The following ZNF275 variants were observed in gnomAD, a reference collection of about 807,000 sequenced individuals.
ZNF275 encodes zinc finger protein 275.
Under a neutral mutation model 4.3 loss-of-function variants are expected in ZNF275, and 4 were observed. The observed-to-expected ratio is 0.93, with a 90% CI of 0.46 to 2.13. ZNF275 has a LOEUF of 2.13. Ranked by LOEUF, ZNF275 falls within the 30% of genes most tolerant of loss-of-function variation. The probability of loss-of-function intolerance (pLI) is 0.02; values close to 1 mark genes in which losing one functional copy is unlikely to be tolerated. For synonymous variants in ZNF275, 173 were observed against 166.9 expected (o/e 1.04, Z -0.28); for missense variants, 352 against 397.1 (o/e 0.89, Z 0.97).
intron 3 of ZNF275, among the ~76,000 whole-genome samples, chrX:153,345,995 G>C (rs2088512266): frequency 1.8e-5 from 2 of 108,818 alleles, no homozygotes; most frequent in Non-Finnish European, 3.8e-5. Flanking sequence ...TCTTGGGGTT[G>C]AGGTTAGGGT....
rs1462476796 is a variant in ZNF275 at position 153,348,807 on chromosome X, A to G, written c.*832A>G. 1 of 123,897 alleles carries G rather than the reference A, an allele frequency of 8.1e-6. No individual in the cohort carries two copies. The highest frequency in any genetic ancestry group is 1.9e-5 in the Non-Finnish European group (1 of 53,408). The allele number at this position is 123,897 out of a possible 1,213,427, so 10.2% of individuals were successfully genotyped here. On this transcript the variant is annotated 3_prime_UTR_variant, in exon 4 of 4. Coordinates refer to ENST00000650114, the MANE Select transcript of ZNF275 (RefSeq NM_001367757.1). ...CTGTACAATATAACCACTTAAGGTC[A>G]TACTTTTTCAAACAACCTTTAAACG...
At chrX:153,337,254 G>T (rs2088452300) in intron 2 of ZNF275, among the ~76,000 whole-genome samples, 1 of 111,673 alleles carries the variant, frequency 9.0e-6, no homozygotes, top group African/African-American at 3.3e-5. Flanking sequence ...ACCTGTTAGA[G>T]AATGTTGCTT....
chrX:153,337,865 A>G (rs782634046), intron 2 of ZNF275, among the ~76,000 whole-genome samples: 1 of 111,902 alleles, frequency 8.9e-6, no homozygotes, highest in Non-Finnish European at 1.9e-5. Context: ...GTTTTTCCAC[A>G]GTATTTCTTT....
Position 153,347,156 on chromosome X carries a change from G to T in ZNF275, c.471G>T (p.Gln157His), listed in dbSNP as rs1556961687. 2 of 1,208,056 alleles carry T rather than the reference G, an allele frequency of 1.7e-6. No individual in the cohort carries two copies. The highest frequency in any genetic ancestry group is 2.2e-6 in the Non-Finnish European group (2 of 894,212). The change falls in exon 4 of 4, where the codon CAG becomes CAT. Residue 157 changes from glutamine to histidine, a missense_variant. Gln to His is a conservative substitution (Grantham distance 24, BLOSUM62 0). Coordinates refer to ENST00000650114, the MANE Select transcript of ZNF275 (RefSeq NM_001367757.1). ...HRKSHVAAEP[Q>H]PGPSRALENA... ...AAAGCCACGTAGCTGCGGAGCCCCA[G>T]CCCGGCCCCAGTAGGGCCCTGGAGA...
At chrX:153,344,091 C>T (rs2088496058) in intron 2 of ZNF275, 1 of 328,902 alleles carries the variant, frequency 3.0e-6, no homozygotes, top group South Asian at 2.6e-5. Context: ...ACAGGGCTGT[C>T]GTCACTCATG....
chrX:153,339,400 G>A (rs782101111), intron 2 of ZNF275, among the ~76,000 whole-genome samples: 3 of 111,810 alleles, frequency 2.7e-5, no homozygotes, highest in South Asian at 3.8e-4. Flanking sequence ...TGGGCCAGGC[G>A]CAGTGGCTCA....
Position 153,348,555 on chromosome X carries a change from G to A in ZNF275, c.*580G>A, listed in dbSNP as rs1330455613. Reference sequence around the variant, plus strand: ...CCATTTTTGCCACCCTCCCTTTCACGAAATCATTTTACTCTGACTCCTCAC... The same window carrying A: ...CCATTTTTGCCACCCTCCCTTTCACAAAATCATTTTACTCTGACTCCTCAC... On this transcript the variant is annotated 3_prime_UTR_variant, in exon 4 of 4. Coordinates refer to ENST00000650114, the MANE Select transcript of ZNF275 (RefSeq NM_001367757.1). The A allele has an allele frequency of 3.3e-5, 4 of 121,951 alleles. No homozygotes were observed. Among genetic ancestry groups the A allele is most frequent in the Admixed American group, 9.6e-5 (1 of 10,397 alleles). 10.1% of individuals were successfully genotyped at this position (121,951 alleles called of 1,213,427 possible). A position where few individuals can be genotyped will look rare whatever the true frequency, so the allele number is the denominator to read the frequency against.
rs782027998 is a variant in ZNF275 at position 153,350,631 on chromosome X, A to AC, written c.*2658dup. On this transcript the variant is annotated 3_prime_UTR_variant, in exon 4 of 4. Transcript: ENST00000650114. ...GGAAGTGTGCCCTTCTCGTGGGCCC[A>AC]CCAAGGCTGAGGCAGAGCTTCCTAG... is the stretch of plus-strand genomic sequence containing the variant. The AC allele has an allele frequency of 1.5e-4, 18 of 123,892 alleles. No homozygotes were observed. The highest frequency in any genetic ancestry group is 2.8e-4 in the Non-Finnish European group (15 of 53,302). 10.2% of individuals were successfully genotyped at this position (123,892 alleles called of 1,213,427 possible). A position where few individuals can be genotyped will look rare whatever the true frequency, so the allele number is the denominator to read the frequency against.
At position 153,349,893 on chromosome X, in the gene ZNF275, G is replaced by C. The variant is rs1388948492; in HGVS notation, c.*1918G>C. On this transcript the variant is annotated 3_prime_UTR_variant, in exon 4 of 4. Coordinates refer to ENST00000650114, the MANE Select transcript of ZNF275 (RefSeq NM_001367757.1). ...CCCATCATAGATTAGCCAGAACTCT[G>C]TGACTGCTCATCATTATAGACCCCG... 1 of 123,485 alleles carries C rather than the reference G, an allele frequency of 8.1e-6. No homozygotes were observed. The highest frequency in any genetic ancestry group is 3.2e-5 in the African/African-American group (1 of 30,800). The allele number at this position is 123,485 out of a possible 1,213,427, so 10.2% of individuals were successfully genotyped here. A position where few individuals can be genotyped will look rare whatever the true frequency, so the allele number is the denominator to read the frequency against.
intron 3 of ZNF275, 53 bp downstream of exon 3, chrX:153,345,674 T>C: frequency 9.7e-7 from 1 of 1,028,936 alleles, no homozygotes; most frequent in Non-Finnish European, 1.4e-6. Context: ...CAAGCTGCTA[T>C]GGGGCATGGG....
Position 153,347,231 on chromosome X carries a change from G to T in ZNF275, c.546G>T (p.Glu182Asp). 8.3e-7 allele frequency: 1 copy of T among 1,210,645 alleles called. No individual in the cohort carries two copies. Among genetic ancestry groups the T allele is most frequent in the Non-Finnish European group, 1.1e-6 (1 of 894,778 alleles). ...EQMEREAKPF[E>D]CEECGKRFKK... ...TGGAGAGGGAGGCAAAGCCCTTCGA[G>T]TGCGAGGAGTGCGGAAAACGGTTTA... Residue 182 changes from glutamate to aspartate, a missense_variant, in exon 4 of 4, where the codon GAG becomes GAT. Transcript: ENST00000650114.
intron 2 of ZNF275, 94 bp from the exon 3 acceptor site, chrX:153,345,426 G>A: frequency 1.6e-6 from 1 of 622,556 alleles, no homozygotes; most frequent in South Asian, 2.6e-5. Context: ...GAAGATTGAA[G>A]GGGGTTCCCC....
In ZNF275 at chrX:153,347,155, A is replaced by G; in HGVS notation, c.470A>G (p.Gln157Arg). 2 of 1,210,060 alleles carry G rather than the reference A, an allele frequency of 1.7e-6. No individual in the cohort carries two copies. Among genetic ancestry groups the G allele is most frequent in the Admixed American group, 4.4e-5 (2 of 45,907 alleles). The change falls in exon 4 of 4, where the codon CAG becomes CGG. Residue 157 changes from glutamine (Q) to arginine (R), a missense_variant. Coordinates refer to ENST00000650114, the MANE Select transcript of ZNF275 (RefSeq NM_001367757.1). ...HRKSHVAAEP[Q>R]PGPSRALENA... The stretch of plus-strand genomic sequence containing the variant: ...AAAAGCCACGTAGCTGCGGAGCCCC[A>G]GCCCGGCCCCAGTAGGGCCCTGGAG...
At position 153,343,296 on chromosome X, in the gene ZNF275, G is replaced by A. The variant is rs917326244; in HGVS notation, c.32-2224G>A. The stretch of plus-strand genomic sequence containing the variant: ...TTTTGTGGGCCTTGAGCCAGTGTAA[G>A]AGCCTTCCTTTTCACTGAATTATGA... On this transcript the variant is annotated intron_variant, in intron 2 of 3. Transcript: ENST00000650114. The A allele has an allele frequency of 1.5e-5, 4 of 268,275 alleles. No individual in the cohort carries two copies. In the Admixed American group the frequency reaches 2.0e-4, roughly 13 times the overall value. The allele number at this position is 268,275 out of a possible 1,213,427, so 22.1% of individuals were successfully genotyped here.
rs1214601857 is a variant in ZNF275, at chrX:153,348,336, T to C, written c.*361T>C. 2 of 124,059 alleles carry C rather than the reference T, an allele frequency of 1.6e-5. No homozygotes were observed. Among genetic ancestry groups the C allele is most frequent in the African/African-American group, 3.3e-5 (1 of 30,474 alleles). 10.2% of individuals were successfully genotyped at this position (124,059 alleles called of 1,213,427 possible). A position where few individuals can be genotyped will look rare whatever the true frequency, so the allele number is the denominator to read the frequency against. On this transcript the variant is annotated 3_prime_UTR_variant, in exon 4 of 4. Coordinates refer to ENST00000650114, the MANE Select transcript of ZNF275 (RefSeq NM_001367757.1). ...CACACAGAGCTGTTCCACGATGGCGTCCTCATAATGTGATCCCAGCTTTCC... is the reference window on the plus strand; with the variant it reads ...CACACAGAGCTGTTCCACGATGGCGCCCTCATAATGTGATCCCAGCTTTCC...
rs2088519643 is a variant in ZNF275 at position 153,346,860 on chromosome X, G to A, written c.175G>A (p.Ala59Thr). The A allele has an allele frequency of 8.3e-7, 1 of 1,204,608 alleles. No homozygotes were observed. The highest frequency in any genetic ancestry group is 1.8e-5 in the South Asian group (1 of 55,977). ...ATRHQMKGEDAQPQEMASTSF... is the reference protein window; with the variant it reads ...ATRHQMKGEDTQPQEMASTSF... ...CCGACACCAGATGAAGGGGGAAGAT[G>A]CCCAGCCACAGGAGATGGCGTCCAC... The change falls in exon 4 of 4, where the codon GCC (alanine) becomes ACC (threonine). Residue 59 changes from alanine to threonine, a missense_variant. Ala to Thr is a moderately conservative substitution (Grantham distance 58). Coordinates refer to ENST00000650114, the MANE Select transcript of ZNF275 (RefSeq NM_001367757.1).
intron 2 of ZNF275, chrX:153,344,882 G>A (rs1180137636): frequency 9.5e-6 from 3 of 316,074 alleles, no homozygotes; most frequent in African/African-American, 8.0e-5. Context: ...TGGGTTGTGG[G>A]GAAACACAAT....
intron 2 of ZNF275, among the ~76,000 whole-genome samples, chrX:153,339,641 A>G (rs1452941365): frequency 9.0e-6 from 1 of 111,309 alleles, no homozygotes; most frequent in African/African-American, 3.3e-5. Context: ...TGGCACCACT[A>G]CACTCCAGCC....
chrX:153,338,247 T>A (rs1007026105), intron 2 of ZNF275, among the ~76,000 whole-genome samples: 11 of 112,202 alleles, frequency 9.8e-5, no homozygotes, highest in African/African-American at 1.6e-4. Flanking sequence ...TATCTTTTTT[T>A]AATGATCTTC....
Sources: allele counts gnomAD v4.1 joint callset (sites outside exome capture counted in the v4.1 genomes callset), GRCh38; gene constraint gnomAD v4.1.1; transcripts MANE v1.5; gene names NCBI Gene and HGNC (gene_info 2026-07-23, HGNC 2026-07-21).